Variants in ALPK2 observed in about 807,000 individuals in gnomAD.
ALPK2 encodes the protein alpha kinase 2.
ALPK2 carries 127 observed loss-of-function variants against 163.1 expected under a neutral mutation model. The observed-to-expected ratio is 0.78, with a 90% CI of 0.67 to 0.90. The LOEUF (loss-of-function observed/expected upper bound fraction) is 0.90. ALPK2 is among the 40% of genes least tolerant of loss of function. ALPK2 has a pLI of 0.00. For synonymous variants in ALPK2, 953 were observed against 959.1 expected, an observed-to-expected ratio of 0.99 and a Z score of 0.12; for missense variants, 2,360 against 2,589.6, an observed-to-expected ratio of 0.91 and a Z score of 1.92.
At chr18:58,570,390 G>C (rs2051879796) in intron 4 of ALPK2, among the ~76,000 whole-genome samples, 1 of 152,210 alleles carries the variant, frequency 6.6e-6, no homozygotes, top group South Asian at 2.1e-4. Context: ...CCTGTTACTG[G>C]ATGGCCATGC....
intron 3 of ALPK2, among the ~76,000 whole-genome samples, chr18:58,588,620 T>C (rs2051999165): frequency 6.6e-6 from 1 of 152,184 alleles, no homozygotes; most frequent in Non-Finnish European, 1.5e-5. Flanking sequence ...GTGTGTGTTG[T>C]TCCCCTCCCT....
intron 3 of ALPK2, among the ~76,000 whole-genome samples, chr18:58,588,048 A>G (rs1403165689): frequency 6.6e-6 from 1 of 152,222 alleles, no homozygotes; most frequent in African/African-American, 2.4e-5. Flanking sequence ...TGGCTAGTTC[A>G]GCTTGCAACT....
At chr18:58,581,715 A>G (rs1202823844) in intron 3 of ALPK2, among the ~76,000 whole-genome samples, 1 of 152,166 alleles carries the variant, frequency 6.6e-6, no homozygotes, top group Non-Finnish European at 1.5e-5. Context: ...CCGCATTGTA[A>G]TTGTAATATT....
chr18:58,503,486 G>T (rs1347089265), intron 11 of ALPK2, among the ~76,000 whole-genome samples: 2 of 152,166 alleles, frequency 1.3e-5, no homozygotes, highest in Non-Finnish European at 1.5e-5. Context: ...GAGCCCAGTA[G>T]TTCGAGACCA....
At chr18:58,597,149 G>T (rs1282090299) in intron 3 of ALPK2, among the ~76,000 whole-genome samples, 1 of 152,148 alleles carries the variant, frequency 6.6e-6, no homozygotes, top group Non-Finnish European at 1.5e-5. Flanking sequence ...ATTTAGTCAG[G>T]TGTGGTGGTG....
chr18:58,522,805 G>A (rs767304978), intron 8 of ALPK2, among the ~76,000 whole-genome samples: 1 of 152,130 alleles, frequency 6.6e-6, no homozygotes, highest in Non-Finnish European at 1.5e-5. Context: ...CACTGCTACA[G>A]TGTAGCATCC....
At chr18:58,528,171 CAG>C (rs1568075057) in intron 6 of ALPK2, among the ~76,000 whole-genome samples, 8 of 152,188 alleles carry the variant, frequency 5.3e-5, no homozygotes, top group Admixed American at 5.2e-4. Context: ...GTTTATTCCA[CAG>C]GGGATATTCT....
intron 6 of ALPK2, among the ~76,000 whole-genome samples, chr18:58,524,636 T>G (rs2051574707): frequency 6.6e-6 from 1 of 152,156 alleles, no homozygotes; most frequent in Non-Finnish European, 1.5e-5. Flanking sequence ...ATATTGGTGG[T>G]GATGATGACA....
At chr18:58,539,962 T>C (rs541974069) in intron 4 of ALPK2, among the ~76,000 whole-genome samples, 1 of 152,334 alleles carries the variant, frequency 6.6e-6, no homozygotes, top group Admixed American at 6.5e-5. Flanking sequence ...GGCATAAAAA[T>C]GCTAACTAAA....
At chr18:58,539,726 ATATTATG>A (rs2051680697) in intron 4 of ALPK2, among the ~76,000 whole-genome samples, 1 of 152,312 alleles carries the variant, frequency 6.6e-6, no homozygotes, top group East Asian at 1.9e-4. Flanking sequence ...GTTCATGGGC[ATATTATG>A]GCTCCAATGT....
intron 4 of ALPK2, 76 bp downstream of exon 4, chr18:58,578,738 A>ACACGCGCGCGCACGCGCGCG (rs1555673991): frequency 1.2e-5 from 11 of 936,670 alleles, no homozygotes; most frequent in South Asian, 1.8e-5. Flanking sequence ...GAAGAGACAC[A>ACACGCGCGCGCACGCGCGCG]CACACACACA....
chr18:58,547,955 T>C (rs2051727184), intron 4 of ALPK2, among the ~76,000 whole-genome samples: 1 of 152,200 alleles, frequency 6.6e-6, no homozygotes, highest in Non-Finnish European at 1.5e-5. Flanking sequence ...ATATCTCTCT[T>C]TATAGTTTTT....
chr18:58,535,089 C>CT lies in ALPK2; in HGVS notation c.5097dup (p.Gly1700ArgfsTer26), dbSNP rs2051636404. The CT allele has an allele frequency of 6.2e-7, 1 of 1,614,144 alleles. No individual in the cohort carries two copies. Among genetic ancestry groups the CT allele is most frequent in the African/African-American group, 1.3e-5 (1 of 75,030 alleles). ...GACCCCGTCACTGCTGTGAGGGTCC[C>CT]TGGCGATTTGCCTGCTCGGGCTTCC... On this transcript the variant is annotated frameshift_variant, in exon 5 of 13. Transcript: ENST00000361673.
chr18:58,524,207 G>T, intron 6 of ALPK2, 145 bp from the exon 7 acceptor site: 1 of 1,144,174 alleles, frequency 8.7e-7, no homozygotes, highest in Non-Finnish European at 1.2e-6. Flanking sequence ...ATCACGATCA[G>T]CTGTTTAAAT....
chr18:58,519,686 T>A (rs1392371363), intron 8 of ALPK2, among the ~76,000 whole-genome samples: 1 of 152,184 alleles, frequency 6.6e-6, no homozygotes, highest in Non-Finnish European at 1.5e-5. Flanking sequence ...GTATTCTTTG[T>A]CTCTTGAAAA....
intron 3 of ALPK2, among the ~76,000 whole-genome samples, chr18:58,596,831 T>C (rs1284163696): frequency 1.3e-5 from 2 of 152,128 alleles, no homozygotes; most frequent in African/African-American, 4.8e-5. Context: ...GTTTGTTTGT[T>C]TGCTTTTGAG....
At chr18:58,614,099 T>C (rs906630042) in intron 1 of ALPK2, among the ~76,000 whole-genome samples, 1 of 152,204 alleles carries the variant, frequency 6.6e-6, no homozygotes, top group Admixed American at 6.5e-5. Flanking sequence ...GGAAGCAACT[T>C]TGTGCTTAAA....
chr18:58,550,356 T>C (rs66862167), intron 4 of ALPK2, among the ~76,000 whole-genome samples: 180 of 4,302 alleles, frequency 0.042, no homozygotes, highest in South Asian at 0.1. Context: ...CAACCCCATC[T>C]CTGTCTCTAT....
At chr18:58,627,110 C>CGAG (rs2052234877) in intron 1 of ALPK2, among the ~76,000 whole-genome samples, 3 of 152,182 alleles carry the variant, frequency 2.0e-5, no homozygotes, top group Non-Finnish European at 4.4e-5. Context: ...AAGCCTTTCT[C>CGAG]AGGACCTCCC....
Sources: allele counts gnomAD v4.1 joint callset (sites outside exome capture counted in the v4.1 genomes callset), GRCh38; gene constraint gnomAD v4.1.1; transcripts MANE v1.5; gene names NCBI Gene and HGNC (gene_info 2026-07-23, HGNC 2026-07-21).